PIP4K2A: variants seen among roughly 807,000 people sequenced by gnomAD.
The protein encoded by PIP4K2A is phosphatidylinositol 5-phosphate 4-kinase type-2 alpha.
A neutral mutation model predicts 42.9 loss-of-function variants in PIP4K2A; 14 were observed. That is an observed-to-expected ratio of 0.33 (90% confidence interval 0.22 to 0.51). The LOEUF (loss-of-function observed/expected upper bound fraction) is 0.51, where lower values mean the gene tolerates loss of function less well. Among genes scored for constraint, PIP4K2A ranks in the 20% least tolerant of loss-of-function variants. The pLI is 0.97. For synonymous variants in PIP4K2A, 192 were observed against 192.2 expected, an observed-to-expected ratio of 1.00 and a Z score of 0.01; for missense variants, 434 against 519.8, an observed-to-expected ratio of 0.83 and a Z score of 1.61.
At chr10:22,638,013 C>G (rs977016064) in intron 1 of PIP4K2A, among the ~76,000 whole-genome samples, 1 of 152,056 alleles carries the variant, frequency 6.6e-6, no homozygotes, top group Non-Finnish European at 1.5e-5. Context: ...TACTGAGTGC[C>G]GCAATTCGAT....
intron 1 of PIP4K2A, among the ~76,000 whole-genome samples, chr10:22,683,965 A>G (rs553940796): frequency 6.6e-6 from 1 of 152,086 alleles, no homozygotes; most frequent in African/African-American, 2.4e-5. Context: ...CCTGGCTACA[A>G]TAAGCACCAC....
intron 6 of PIP4K2A, among the ~76,000 whole-genome samples, chr10:22,554,055 C>T (rs372375383): frequency 6.6e-6 from 1 of 151,840 alleles, no homozygotes; most frequent in African/African-American, 2.4e-5. Context: ...GTAGGAGGAT[C>T]GCTTGAGCCC....
chr10:22,647,324 A>ATG lies in PIP4K2A; in HGVS notation c.145-37609_145-37608dup, dbSNP rs774899830. 6.2e-3 allele frequency among the ~76,000 whole-genome samples: 530 copies of ATG among 85,082 alleles called. 2 individuals are homozygous for ATG. The highest frequency in any genetic ancestry group is 0.011 in the Non-Finnish European group (349 of 32,540). 55.8% of individuals were successfully genotyped at this position (85,082 alleles called of 152,430 possible). ...CTCTAAATACTGTGTGTGTGTGTGTATGTGTGTGTGTGTGTGCACGCGCGT... is the reference window on the plus strand; with the variant it reads ...CTCTAAATACTGTGTGTGTGTGTGTATGTGTGTGTGTGTGTGTGCACGCGCGT... On this transcript the variant is annotated intron_variant, in intron 1 of 9. Coordinates refer to ENST00000376573, the MANE Select transcript of PIP4K2A (RefSeq NM_005028.5).
At position 22,536,003 on chromosome 10, in the gene PIP4K2A, T is replaced by A. The variant is rs148948464; in HGVS notation, c.*1198A>T. 2.0e-5 allele frequency: 8 copies of A among 397,612 alleles called. No homozygotes were observed. The highest frequency in any genetic ancestry group is 1.6e-4 in the African/African-American group (8 of 48,744). 24.6% of individuals were successfully genotyped at this position (397,612 alleles called of 1,614,324 possible). On this transcript the variant is annotated 3_prime_UTR_variant, in exon 10 of 10. Transcript: ENST00000376573. ...ACGTCTCAAAATATGACAAACGTTA[T>A]TTCACCTATACTGTGACTTTACATG... is the stretch of plus-strand genomic sequence containing the variant.
intron 1 of PIP4K2A, 58 bp downstream of exon 1, chr10:22,714,125 G>C (rs1833965555): frequency 1.3e-6 from 2 of 1,513,990 alleles, no homozygotes; most frequent in Admixed American, 3.8e-5. Context: ...AGGAGGAGGG[G>C]AACGAGGAGG....
intron 1 of PIP4K2A, among the ~76,000 whole-genome samples, chr10:22,709,504 A>T (rs1310806805): frequency 6.6e-6 from 1 of 152,014 alleles, no homozygotes; most frequent in African/African-American, 2.4e-5. Context: ...AGAATTAATT[A>T]CTCTGGTTGC....
chr10:22,570,083 TA>T (rs368992209), intron 5 of PIP4K2A, among the ~76,000 whole-genome samples: 5,171 of 145,224 alleles, frequency 0.036, 252 homozygotes, highest in African/African-American at 0.12. Context: ...GCAGGGGGAT[TA>T]AAAAAAAAAA....
At chr10:22,660,133 A>G (rs1368594938) in intron 1 of PIP4K2A, among the ~76,000 whole-genome samples, 2 of 151,898 alleles carry the variant, frequency 1.3e-5, no homozygotes, top group African/African-American at 4.8e-5. Context: ...CATCCCCAGC[A>G]CCCACTCCTT....
At chr10:22,680,367 T>C (rs1401964031) in intron 1 of PIP4K2A, among the ~76,000 whole-genome samples, 3 of 152,210 alleles carry the variant, frequency 2.0e-5, no homozygotes, top group African/African-American at 7.2e-5. Flanking sequence ...AATTTAAATA[T>C]TGTGCTTTAG....
intron 1 of PIP4K2A, among the ~76,000 whole-genome samples, chr10:22,683,824 T>C (rs1839709237): frequency 6.9e-6 from 1 of 145,072 alleles, no homozygotes; most frequent in Admixed American, 6.8e-5. Flanking sequence ...GTAGCTTTCC[T>C]ACCAAGCAGT....
intron 1 of PIP4K2A, among the ~76,000 whole-genome samples, chr10:22,651,271 A>G (rs1228372309): frequency 1.3e-5 from 2 of 151,962 alleles, no homozygotes; most frequent in Admixed American, 6.6e-5. Flanking sequence ...CTTTCTCCCA[A>G]TTGAGGCGGC....
chr10:22,664,470 G>T (rs1839311524), intron 1 of PIP4K2A, among the ~76,000 whole-genome samples: 1 of 147,588 alleles, frequency 6.8e-6, no homozygotes, highest in Admixed American at 6.9e-5. Context: ...CTTTTTCTTG[G>T]TGATCACACA....
At position 22,621,105 on chromosome 10, in the gene PIP4K2A, T is replaced by C. The variant is rs376829346; in HGVS notation, c.145-11388A>G. Among the ~76,000 whole-genome samples, 9 of 152,298 alleles carry C rather than the reference T, an allele frequency of 5.9e-5. No homozygotes were observed. The South Asian group carries it at 6.2e-4, about 11-fold the overall frequency. On this transcript the variant is annotated intron_variant, in intron 1 of 9. Coordinates refer to ENST00000376573, the MANE Select transcript of PIP4K2A (RefSeq NM_005028.5). ...AGCCACGTAAAGTTAAGCATCACCA[T>C]TGATGCACAGAAAAGACGGGATAAG...
chr10:22,636,400 T>C (rs1225494005), intron 1 of PIP4K2A, among the ~76,000 whole-genome samples: 1 of 152,104 alleles, frequency 6.6e-6, no homozygotes, highest in Non-Finnish European at 1.5e-5. Flanking sequence ...TACAGGTGTG[T>C]GCCACTACAC....
At chr10:22,546,064 C>T (rs745449597) in intron 7 of PIP4K2A, among the ~76,000 whole-genome samples, 1 of 152,236 alleles carries the variant, frequency 6.6e-6, no homozygotes, top group Non-Finnish European at 1.5e-5. Flanking sequence ...ACAGGTCATG[C>T]TGACCAGGGA....
chr10:22,638,621 A>C (rs940007226), intron 1 of PIP4K2A, among the ~76,000 whole-genome samples: 1 of 152,186 alleles, frequency 6.6e-6, no homozygotes, highest in Non-Finnish European at 1.5e-5. Flanking sequence ...AGTATCTTAA[A>C]CGGAAATTAT....
intron 1 of PIP4K2A, among the ~76,000 whole-genome samples, chr10:22,639,963 G>C (rs1396627100): frequency 6.7e-6 from 1 of 149,220 alleles, no homozygotes; most frequent in Non-Finnish European, 1.5e-5. Flanking sequence ...AAAACTGGCG[G>C]TTTACCAAGA....
intron 9 of PIP4K2A, among the ~76,000 whole-genome samples, chr10:22,538,140 G>A (rs1256165041): frequency 3.3e-5 from 5 of 152,218 alleles, no homozygotes; most frequent in African/African-American, 9.7e-5. Flanking sequence ...CATGTTCACC[G>A]GGGAACTTGT....
chr10:22,648,957 A>G (rs1180447185), intron 1 of PIP4K2A, among the ~76,000 whole-genome samples: 10 of 152,238 alleles, frequency 6.6e-5, no homozygotes, highest in African/African-American at 2.4e-4. Flanking sequence ...TCAGTATCAT[A>G]CTTTCAAGAA....
Sources: allele counts gnomAD v4.1 joint callset (sites outside exome capture counted in the v4.1 genomes callset), GRCh38; gene constraint gnomAD v4.1.1; transcripts MANE v1.5; gene names NCBI Gene and HGNC (gene_info 2026-07-23, HGNC 2026-07-21).